Variants in CNST observed in about 807,000 individuals in gnomAD.
CNST encodes consortin, connexin sorting protein, also known as consortin.
A neutral mutation model predicts 72.4 loss-of-function variants in CNST; 39 were observed. That is an observed-to-expected ratio of 0.54 (90% CI 0.42 to 0.70). The LOEUF (loss-of-function observed/expected upper bound fraction) is 0.70. CNST is among the 30% of genes least tolerant of loss of function. The pLI is 0.00. For synonymous variants in CNST, 332 were observed against 320.1 expected (o/e 1.04, Z -0.40); for missense variants, 871 against 868.5 (o/e 1.00, Z -0.04).
chr1:246,583,325 C>T (rs1660919068), intron 1 of CNST, among the ~76,000 whole-genome samples: 1 of 152,198 alleles, frequency 6.6e-6, no homozygotes, highest in Non-Finnish European at 1.5e-5. Flanking sequence ...AATATTCACG[C>T]ATTACACCTT....
At chr1:246,605,421 A>C (rs181620968) in intron 2 of CNST, among the ~76,000 whole-genome samples, 1 of 152,234 alleles carries the variant, frequency 6.6e-6, no homozygotes, top group African/African-American at 2.4e-5. Flanking sequence ...CAAGGCTCTA[A>C]TATCAGTTGG....
At position 246,638,554 on chromosome 1, in the gene CNST, A is replaced by G. The variant is rs549761209; in HGVS notation, c.819-3195A>G. On this transcript the variant is annotated intron_variant, in intron 6 of 10. Transcript: ENST00000366513. The stretch of plus-strand genomic sequence containing the variant: ...GAACACATAACGAGAATCTGAATAT[A>G]TGTTCATTTGTTGTCCAGCTGCTAG... 7.2e-5 allele frequency among the ~76,000 whole-genome samples: 11 copies of G among 152,274 alleles called. No homozygotes were observed. The East Asian group carries it at 9.6e-4, about 13-fold the overall frequency.
chr1:246,630,638 A>G (rs1366837051), intron 3 of CNST, among the ~76,000 whole-genome samples: 2 of 152,192 alleles, frequency 1.3e-5, no homozygotes, highest in Non-Finnish European at 2.9e-5. Flanking sequence ...AAGTACTTTA[A>G]TTACTCTTTG....
intron 9 of CNST, among the ~76,000 whole-genome samples, chr1:246,659,393 G>GTGGCTC (rs1666949164): frequency 6.6e-6 from 1 of 152,176 alleles, no homozygotes; most frequent in Non-Finnish European, 1.5e-5. Flanking sequence ...AGGAGATCGA[G>GTGGCTC]ACCATCCTGG....
At chr1:246,655,874 ATATAG>A (rs1288831452) in intron 9 of CNST, among the ~76,000 whole-genome samples, 1 of 152,168 alleles carries the variant, frequency 6.6e-6, no homozygotes, top group Non-Finnish European at 1.5e-5. Context: ...ATTAAATATG[ATATAG>A]TATGTAAATA....
rs1216090777 is a variant in CNST, at chr1:246,666,737, C to G, written c.*832C>G. ...TCACGGATGCAAAGCTTCCTGAAAT[C>G]ATGAATGCTGGACTCAGTTTGGCAA... On this transcript the variant is annotated 3_prime_UTR_variant, in exon 11 of 11. Transcript: ENST00000366513. 1 of 152,224 alleles carries G rather than the reference C, an allele frequency of 6.6e-6. No homozygotes were observed. 9.4% of individuals were successfully genotyped at this position (152,224 alleles called of 1,614,324 possible).
intron 1 of CNST, among the ~76,000 whole-genome samples, chr1:246,572,270 T>C: frequency 6.6e-6 from 1 of 152,300 alleles, no homozygotes. Context: ...TTAAATACTT[T>C]TTTATATTAT....
At chr1:246,570,172 G>A (rs1249460536) in intron 1 of CNST, among the ~76,000 whole-genome samples, 1 of 152,146 alleles carries the variant, frequency 6.6e-6, no homozygotes, top group African/African-American at 2.4e-5. Flanking sequence ...AATTTAAAAG[G>A]AAAGATGGCA....
intron 1 of CNST, among the ~76,000 whole-genome samples, chr1:246,578,799 G>A (rs1306910456): frequency 6.6e-6 from 1 of 151,984 alleles, no homozygotes; most frequent in African/African-American, 2.4e-5. Flanking sequence ...ATTCCATCTT[G>A]CTTATGGAAT....
intron 3 of CNST, among the ~76,000 whole-genome samples, chr1:246,626,368 G>A (rs954257292): frequency 1.3e-5 from 2 of 151,532 alleles, no homozygotes; most frequent in African/African-American, 4.9e-5. Flanking sequence ...TTAAACACTG[G>A]GATGCGTCAG....
intron 1 of CNST, among the ~76,000 whole-genome samples, chr1:246,588,550 A>G (rs760672894): frequency 2.4e-4 from 37 of 152,196 alleles, no homozygotes; most frequent in Non-Finnish European, 4.6e-4. Context: ...TGTCAAGGCA[A>G]TGTCATAGAC....
At chr1:246,648,448 T>C (rs1051557518) in intron 9 of CNST, among the ~76,000 whole-genome samples, 4 of 152,232 alleles carry the variant, frequency 2.6e-5, no homozygotes, top group Non-Finnish European at 5.9e-5. Context: ...CTTGTTAATA[T>C]ATTTTTTAAG....
chr1:246,650,434 T>TA (rs535052894), intron 9 of CNST, among the ~76,000 whole-genome samples: 179 of 152,320 alleles, frequency 1.2e-3, no homozygotes, highest in African/African-American at 4.1e-3. Context: ...TCTGAATACT[T>TA]ACTACCCTCG....
chr1:246,646,278 T>TAAAAAAAAAAAAA (rs1666062486), intron 8 of CNST, among the ~76,000 whole-genome samples: 2 of 50,338 alleles, frequency 4.0e-5, no homozygotes, highest in African/African-American at 3.7e-4. Flanking sequence ...AAACTCCGTC[T>TAAAAAAAAAAAAA]CAAAAAAAAA....
intron 2 of CNST, chr1:246,606,662 A>G (rs1406946925): frequency 6.6e-6 from 1 of 151,220 alleles, no homozygotes; most frequent in Non-Finnish European, 1.5e-5. Flanking sequence ...TCCTCAGCCC[A>G]GGTGGCAGGA....
At position 246,567,782 on chromosome 1, in the gene CNST, C is replaced by T. The variant is rs557828934; in HGVS notation, c.-52+1119C>T. Among the ~76,000 whole-genome samples, 7 of 152,224 alleles carry T rather than the reference C, an allele frequency of 4.6e-5. No homozygotes were observed. The East Asian group carries it at 1.4e-3, about 29-fold the overall frequency. Reference sequence around the variant, plus strand: ...TTAAATTCTTTTTTCGTACAGTTTTCTCACTGACAATTTTCTAGAGGTGAC... The same window carrying T: ...TTAAATTCTTTTTTCGTACAGTTTTTTCACTGACAATTTTCTAGAGGTGAC... On this transcript the variant is annotated intron_variant, in intron 1 of 10. Transcript: ENST00000366513.
chr1:246,626,428 TCATCCAATCCTGTAGG>T, intron 3 of CNST, among the ~76,000 whole-genome samples: 1 of 149,298 alleles, frequency 6.7e-6, no homozygotes, highest in East Asian at 2.0e-4. Context: ...CCTGGTGTTT[TCATCCAATCCTGTAGG>T]TTTGTCCTTT....
intron 5 of CNST, 70 bp from the exon 6 acceptor site, chr1:246,634,403 T>C (rs1664995012): frequency 2.4e-6 from 2 of 828,952 alleles, no homozygotes; most frequent in South Asian, 3.6e-5. Flanking sequence ...GCTAGTTAAC[T>C]GTTTGTTTGT....
intron 1 of CNST, among the ~76,000 whole-genome samples, chr1:246,588,514 T>C (rs1057352634): frequency 6.6e-6 from 1 of 152,202 alleles, no homozygotes; most frequent in Non-Finnish European, 1.5e-5. Flanking sequence ...TGATTCACCA[T>C]GAGCCATATT....
Sources: gnomAD v4.1 joint callset for allele counts (sites outside exome capture counted in the v4.1 genomes callset) on GRCh38, gnomAD v4.1.1 for gene constraint, MANE v1.5 for transcripts, NCBI Gene and HGNC (gene_info 2026-07-23, HGNC 2026-07-21) for gene names.